PTPRD: variants seen among roughly 807,000 people sequenced by gnomAD.
The protein encoded by PTPRD is receptor-type tyrosine-protein phosphatase delta.
In PTPRD, 34 loss-of-function variants were observed where a neutral mutation model predicts 214.5. The ratio of observed to expected loss-of-function variants is 0.16; its 90% confidence interval spans 0.12 to 0.21. The LOEUF is 0.21. PTPRD is among the 10% of genes least tolerant of loss of function. PTPRD has a pLI of 1.00. For synonymous variants in PTPRD, 1,128 were observed against 845.7 expected (o/e 1.33, Z -5.79); for missense variants, 2,545 against 2,398.7 (o/e 1.06, Z -1.27).
chr9:10,046,728 A>G (rs2097404581), intron 3 of PTPRD, among the ~76,000 whole-genome samples: 1 of 151,958 alleles, frequency 6.6e-6, no homozygotes, highest in Non-Finnish European at 1.5e-5. Context: ...AGAGCAATTA[A>G]TATTCCTCAC....
intron 7 of PTPRD, among the ~76,000 whole-genome samples, chr9:9,641,978 C>T (rs1004759407): frequency 1.1e-4 from 17 of 151,370 alleles, no homozygotes; most frequent in African/African-American, 2.7e-4. Flanking sequence ...ATGTTTATTG[C>T]GGCATTATTC....
At chr9:9,697,738 T>C (rs1237391319) in intron 7 of PTPRD, among the ~76,000 whole-genome samples, 1 of 152,170 alleles carries the variant, frequency 6.6e-6, no homozygotes, top group African/African-American at 2.4e-5. Flanking sequence ...CTGTCATTTC[T>C]TTTAATAAAC....
At chr9:10,017,225 C>A (rs2096737686) in intron 4 of PTPRD, among the ~76,000 whole-genome samples, 1 of 152,056 alleles carries the variant, frequency 6.6e-6, no homozygotes, top group African/African-American at 2.4e-5. Context: ...TTATTGATAG[C>A]ATATTTTCAT....
At chr9:10,242,609 ATT>A (rs57797070) in intron 3 of PTPRD, among the ~76,000 whole-genome samples, 1 of 143,288 alleles carries the variant, frequency 7.0e-6, no homozygotes, top group Non-Finnish European at 1.5e-5. Flanking sequence ...CATTGAATAC[ATT>A]TTTTTTTTTT....
At chr9:8,972,258 A>T (rs2099243095) in intron 11 of PTPRD, among the ~76,000 whole-genome samples, 2 of 151,914 alleles carry the variant, frequency 1.3e-5, no homozygotes, top group Non-Finnish European at 2.9e-5. Flanking sequence ...ATTTTAGTTG[A>T]GAGCCACTGA....
chr9:8,604,441 G>C (rs1211301618), intron 14 of PTPRD, among the ~76,000 whole-genome samples: 1 of 152,160 alleles, frequency 6.6e-6, no homozygotes, highest in Non-Finnish European at 1.5e-5. Flanking sequence ...GATATTTTTT[G>C]AGTGGAAAGT....
chr9:10,226,373 C>G (rs938965781), intron 3 of PTPRD, among the ~76,000 whole-genome samples: 17 of 151,972 alleles, frequency 1.1e-4, no homozygotes, highest in Non-Finnish European at 1.5e-5. Flanking sequence ...TATAGTCCTC[C>G]CTCCAGTTTC....
chr9:8,790,688 G>A (rs1031579207), intron 11 of PTPRD, among the ~76,000 whole-genome samples: 1 of 151,770 alleles, frequency 6.6e-6, no homozygotes, highest in African/African-American at 2.4e-5. Context: ...ACATTTTTTA[G>A]TGTGGATTGA....
chr9:8,859,898 T>C (rs1179013672), intron 11 of PTPRD: 1 of 151,532 alleles, frequency 6.6e-6, no homozygotes, highest in Non-Finnish European at 1.5e-5. Flanking sequence ...CAGGAAGAAA[T>C]CAATTCTTGT....
At chr9:9,373,749 T>G (rs1034016557) in intron 9 of PTPRD, among the ~76,000 whole-genome samples, 13 of 152,142 alleles carry the variant, frequency 8.5e-5, no homozygotes, top group Admixed American at 7.2e-4. Flanking sequence ...TTTAATTGCT[T>G]TTGCAAAGAT....
At chr9:10,108,775 T>C (rs1436688749) in intron 3 of PTPRD, among the ~76,000 whole-genome samples, 1 of 152,060 alleles carries the variant, frequency 6.6e-6, no homozygotes, top group African/African-American at 2.4e-5. Flanking sequence ...AGGGATACTA[T>C]TCATCCTTAA....
intron 8 of PTPRD, among the ~76,000 whole-genome samples, chr9:9,434,870 A>G (rs1304887689): frequency 6.7e-6 from 1 of 148,402 alleles, no homozygotes; most frequent in Non-Finnish European, 1.5e-5. Context: ...AATCTATAAT[A>G]TATATTGTTA....
chr9:9,402,326 G>A (rs1159568237), intron 8 of PTPRD, among the ~76,000 whole-genome samples: 1 of 151,986 alleles, frequency 6.6e-6, no homozygotes, highest in Admixed American at 6.6e-5. Flanking sequence ...AAGAGCCTTG[G>A]GATCTCTAGG....
intron 3 of PTPRD, among the ~76,000 whole-genome samples, chr9:10,274,669 T>C (rs1012804263): frequency 6.6e-6 from 1 of 152,216 alleles, no homozygotes; most frequent in Non-Finnish European, 1.5e-5. Context: ...TAAGGAATAA[T>C]GGAACTTAAT....
At chr9:9,594,141 G>A (rs1014109395) in intron 7 of PTPRD, among the ~76,000 whole-genome samples, 4 of 151,990 alleles carry the variant, frequency 2.6e-5, no homozygotes, top group Admixed American at 1.3e-4. Flanking sequence ...TACTAATCTA[G>A]AAGTTATTTA....
chr9:9,374,676 C>T (rs959371312), intron 9 of PTPRD, among the ~76,000 whole-genome samples: 8 of 152,164 alleles, frequency 5.3e-5, no homozygotes, highest in African/African-American at 1.4e-4. Flanking sequence ...AATGGACAAA[C>T]TCTGACTGTT....
chr9:10,065,730 A>G (rs1173769856), intron 3 of PTPRD, among the ~76,000 whole-genome samples: 1 of 151,928 alleles, frequency 6.6e-6, no homozygotes, highest in African/African-American at 2.4e-5. Flanking sequence ...GAAACAAAGC[A>G]AGGTAGTAGC....
chr9:10,096,256 T>C (rs2098483116), intron 3 of PTPRD, among the ~76,000 whole-genome samples: 1 of 151,668 alleles, frequency 6.6e-6, no homozygotes, highest in South Asian at 2.1e-4. Flanking sequence ...TATCTGCAAT[T>C]CTCTTTCATA....
chr9:8,961,549 G>C (rs2099158828), intron 11 of PTPRD, among the ~76,000 whole-genome samples: 1 of 152,046 alleles, frequency 6.6e-6, no homozygotes, highest in Admixed American at 6.6e-5. Context: ...ACTTCCACCA[G>C]GCACATGTTT....
Sources: gnomAD v4.1 joint callset for allele counts (sites outside exome capture counted in the v4.1 genomes callset) on GRCh38, gnomAD v4.1.1 for gene constraint, MANE v1.5 for transcripts, NCBI Gene and HGNC (gene_info 2026-07-23, HGNC 2026-07-21) for gene names.